CDH10: variants seen among roughly 807,000 people sequenced by gnomAD.
CDH10 encodes cadherin 10, also known as cadherin-10.
CDH10 carries 30 observed loss-of-function variants against 73.1 expected under a neutral mutation model. The ratio of observed to expected loss-of-function variants is 0.41; its 90% CI spans 0.31 to 0.56. The LOEUF is 0.56. Among genes scored for constraint, CDH10 ranks in the 20% least tolerant of loss-of-function variants. The pLI, the probability that CDH10 is intolerant of heterozygous loss-of-function variation, is 0.27. For missense variants in CDH10, 815 were observed against 973.7 expected (o/e 0.84, Z 2.17); for synonymous variants, 345 against 348.2 (o/e 0.99, Z 0.10).
In CDH10 at chr5:24,535,621, G is replaced by A. The variant is rs940084903; in HGVS notation, c.646+82C>T. On this transcript the variant is annotated intron_variant, in intron 4 of 11. Transcript: ENST00000264463. The stretch of plus-strand genomic sequence containing the variant: ...CTGTGAGTATTAATGTTAAGGTTTT[G>A]TTCTTATTCTCCCATGGTCTTTCTA... The A allele has an allele frequency of 1.0e-5, 13 of 1,260,362 alleles. No individual in the cohort carries two copies. The South Asian group carries it at 1.8e-4, about 18-fold the overall frequency. The allele number at this position is 1,260,362 out of a possible 1,614,324, so 78.1% of individuals were successfully genotyped here. A position where few individuals can be genotyped will look rare whatever the true frequency, so the allele number is the denominator to read the frequency against.
At position 24,533,144 on chromosome 5, in the gene CDH10, C is replaced by T. The variant is rs370178423; in HGVS notation, c.814+1968G>A. The stretch of plus-strand genomic sequence containing the variant: ...CAGTTCAAGATGAGCCTGGGCAACA[C>T]GGCGAAACCTTGTCTCTATTAAAAT... On this transcript the variant is annotated intron_variant, in intron 5 of 11. Transcript: ENST00000264463. Among the ~76,000 whole-genome samples, 55 of 151,944 alleles carry T rather than the reference C, an allele frequency of 3.6e-4. No homozygotes were observed. The South Asian group carries it at 4.4e-3, about 12-fold the overall frequency.
intron 8 of CDH10, among the ~76,000 whole-genome samples, chr5:24,498,906 TTTTTTGTTTG>T (rs747684596): frequency 5.3e-5 from 8 of 152,150 alleles, no homozygotes; most frequent in Non-Finnish European, 1.2e-4. Flanking sequence ...AGAAATAGTT[TTTTTTGTTTG>T]TTTTTGTTTT....
At chr5:24,508,936 T>TG (rs1168865462) in intron 7 of CDH10, among the ~76,000 whole-genome samples, 7 of 152,194 alleles carry the variant, frequency 4.6e-5, no homozygotes, top group African/African-American at 1.7e-4. Flanking sequence ...ACCCTGGATC[T>TG]GTACTAGGGA....
chr5:24,568,971 G>T (rs144544875), intron 2 of CDH10, among the ~76,000 whole-genome samples: 1 of 151,808 alleles, frequency 6.6e-6, no homozygotes, highest in South Asian at 2.1e-4. Flanking sequence ...TTAGCTGTCC[G>T]TGGTGGCAGG....
In CDH10 at chr5:24,604,864, A is replaced by C. The variant is rs1746695186; in HGVS notation, c.-123-11251T>G. 2.2e-5 allele frequency among the ~76,000 whole-genome samples: 3 copies of C among 137,214 alleles called. No homozygotes were observed. In the South Asian group the frequency reaches 6.8e-4, roughly 31 times the overall value. The allele number at this position is 137,214 out of a possible 152,430, so 90.0% of individuals were successfully genotyped here. ...GTCAAACCTGGGGAACAAGAGCAAG[A>C]TGTCTCTAAAAAAAAAAAAAAAAAA... On this transcript the variant is annotated intron_variant, in intron 1 of 11. Coordinates refer to ENST00000264463, the MANE Select transcript of CDH10 (RefSeq NM_006727.5).
At chr5:24,603,899 A>T (rs983635222) in intron 1 of CDH10, among the ~76,000 whole-genome samples, 6 of 152,202 alleles carry the variant, frequency 3.9e-5, no homozygotes, top group Admixed American at 2.0e-4. Context: ...TCTATTTGCA[A>T]ATGGCATGAT....
intron 8 of CDH10, among the ~76,000 whole-genome samples, chr5:24,503,753 C>T (rs927089151): frequency 6.6e-6 from 1 of 152,090 alleles, no homozygotes; most frequent in Non-Finnish European, 1.5e-5. Context: ...AGCCTTAGTA[C>T]CTTCTCTGTT....
chr5:24,521,411 G>T (rs935442823), intron 5 of CDH10, among the ~76,000 whole-genome samples: 3 of 152,138 alleles, frequency 2.0e-5, no homozygotes, highest in Admixed American at 2.0e-4. Context: ...GGGCATGGTG[G>T]TGCATGCTTG....
intron 2 of CDH10, among the ~76,000 whole-genome samples, chr5:24,565,792 C>A: frequency 6.6e-6 from 1 of 152,146 alleles, no homozygotes; most frequent in Middle Eastern, 3.4e-3. Flanking sequence ...CCCACACATA[C>A]ACCTTGGAAA....
intron 1 of CDH10, chr5:24,613,244 T>C (rs534053737): frequency 3.3e-5 from 5 of 152,206 alleles, no homozygotes; most frequent in African/African-American, 1.2e-4. Context: ...TGTTCAAATA[T>C]AGTTGTGGTG....
chr5:24,567,537 G>A (rs1745207261), intron 2 of CDH10, among the ~76,000 whole-genome samples: 1 of 151,560 alleles, frequency 6.6e-6, no homozygotes, highest in Non-Finnish European at 1.5e-5. Flanking sequence ...AAAAGAAGCT[G>A]GATATGTAAG....
At chr5:24,608,580 C>T (rs1330765781) in intron 1 of CDH10, among the ~76,000 whole-genome samples, 2 of 152,222 alleles carry the variant, frequency 1.3e-5, no homozygotes, top group South Asian at 2.1e-4. Context: ...CGTGAGCCAC[C>T]GCACCTGGCC....
intron 1 of CDH10, among the ~76,000 whole-genome samples, chr5:24,629,067 T>C (rs553109682): frequency 2.2e-4 from 34 of 152,282 alleles, no homozygotes; most frequent in African/African-American, 7.5e-4. Context: ...TGAGGCAAAG[T>C]TCTGTAGAGA....
At chr5:24,488,686 T>C (rs1178501429) in intron 11 of CDH10, among the ~76,000 whole-genome samples, 1 of 152,098 alleles carries the variant, frequency 6.6e-6, no homozygotes, top group Non-Finnish European at 1.5e-5. Flanking sequence ...TTTTTGTTAC[T>C]TTACTAAAAG....
intron 1 of CDH10, among the ~76,000 whole-genome samples, chr5:24,622,132 A>C (rs1240968115): frequency 6.6e-6 from 1 of 152,204 alleles, no homozygotes; most frequent in East Asian, 1.9e-4. Context: ...GCAAGCACAG[A>C]AACAAGCAGA....
At position 24,492,901 on chromosome 5, in the gene CDH10, C is replaced by G. The variant is rs2111650575; in HGVS notation, c.1540G>C (p.Asp514His). Residue 514 changes from aspartate to histidine, a missense_variant, in exon 10 of 12, where the codon GAC becomes CAC. This residue lies in a region of CDH10 where 516 missense variants were observed against 636.6 expected (regional missense o/e 0.81). Coordinates refer to ENST00000264463, the MANE Select transcript of CDH10 (RefSeq NM_006727.5). ...TGTCCACCTAAAGGGTCATCTTTGT[C>G]TACTGCACTTATAGTCTGTATTAGC... ...GQLIQTISAV[D>H]KDDPLGGQKF... is the part of the protein sequence containing the mutation. 1 of 1,542,160 alleles carries G rather than the reference C, an allele frequency of 6.5e-7. No homozygotes were observed. Among genetic ancestry groups the G allele is most frequent in the Non-Finnish European group, 9.0e-7 (1 of 1,114,896 alleles).
intron 5 of CDH10, among the ~76,000 whole-genome samples, chr5:24,516,040 G>A (rs1402027318): frequency 6.6e-6 from 1 of 152,086 alleles, no homozygotes; most frequent in African/African-American, 2.4e-5. Flanking sequence ...CCCAGTCTTG[G>A]GTATGTCTTT....
At chr5:24,577,570 T>C (rs1440514354) in intron 2 of CDH10, among the ~76,000 whole-genome samples, 1 of 151,362 alleles carries the variant, frequency 6.6e-6, no homozygotes, top group Non-Finnish European at 1.5e-5. Flanking sequence ...TCACTACATA[T>C]AGTAAATAAT....
In CDH10 at chr5:24,504,518, T is replaced by G. The variant is rs1290744236; in HGVS notation, c.1393+594A>C. Among the ~76,000 whole-genome samples the G allele has an allele frequency of 7.8e-3, 275 of 35,246 alleles. 43 individuals carry two copies. Among genetic ancestry groups the G allele is most frequent in the Admixed American group, 9.3e-3 (19 of 2,050 alleles). 23.1% of individuals were successfully genotyped at this position (35,246 alleles called of 152,430 possible). ...TTCTCCTATTAATCTTTTTTTTTTT[T>G]TTTTTTTTTTTTTTTTTTTTTTTTT... On this transcript the variant is annotated intron_variant, in intron 8 of 11. Coordinates refer to ENST00000264463, the MANE Select transcript of CDH10 (RefSeq NM_006727.5).
Sources: allele counts gnomAD v4.1 joint callset (sites outside exome capture counted in the v4.1 genomes callset), GRCh38; gene constraint gnomAD v4.1.1; regional missense constraint gnomAD v4.1.1; transcripts MANE v1.5; gene names NCBI Gene and HGNC (gene_info 2026-07-23, HGNC 2026-07-21).